The following MACROD2 variants were observed in gnomAD, a reference collection of about 807,000 sequenced individuals.
MACROD2 encodes ADP-ribose glycohydrolase MACROD2.
MACROD2 carries 36 observed loss-of-function variants against 70.4 expected under a neutral mutation model. The observed-to-expected ratio is 0.51, with a 90% confidence interval of 0.39 to 0.68. The LOEUF is 0.68. Ranked by LOEUF, MACROD2 falls within the 30% of genes least tolerant of loss-of-function variation. The probability of loss-of-function intolerance (pLI) is 0.00; values close to 1 mark genes in which losing one functional copy is unlikely to be tolerated. For missense variants in MACROD2, 496 were observed against 538.4 expected (o/e 0.92, Z 0.78); for synonymous variants, 172 against 178.8 (o/e 0.96, Z 0.30).
intron 13 of MACROD2, among the ~76,000 whole-genome samples, chr20:15,979,318 AC>A (rs1159913035): frequency 4.6e-5 from 7 of 152,104 alleles, no homozygotes; most frequent in Non-Finnish European, 8.8e-5. Context: ...GCTGCAGGCA[AC>A]ATACAATGGA....
At chr20:14,976,711 C>T (rs2074742762) in intron 5 of MACROD2, among the ~76,000 whole-genome samples, 1 of 152,160 alleles carries the variant, frequency 6.6e-6, no homozygotes, top group Non-Finnish European at 1.5e-5. Flanking sequence ...GACATGACCT[C>T]TGTTGCTTAG....
intron 8 of MACROD2, among the ~76,000 whole-genome samples, chr20:15,713,987 G>GCACGCACACACACA (rs2050667462): frequency 3.4e-5 from 4 of 117,698 alleles, no homozygotes; most frequent in African/African-American, 1.1e-4. Flanking sequence ...ACACACATAT[G>GCACGCACACACACA]CACACACACA....
chr20:14,759,901 A>C (rs2071991760), intron 5 of MACROD2, among the ~76,000 whole-genome samples: 1 of 152,202 alleles, frequency 6.6e-6, no homozygotes. Context: ...AGGAGGATTA[A>C]GTTCCCTTTC....
At chr20:14,469,731 G>A (rs1341808757) in intron 3 of MACROD2, among the ~76,000 whole-genome samples, 1 of 151,576 alleles carries the variant, frequency 6.6e-6, no homozygotes, top group South Asian at 2.1e-4. Context: ...CTATTGATAA[G>A]GTATCATGCT....
chr20:14,503,726 A>G (rs1158763102), intron 4 of MACROD2, among the ~76,000 whole-genome samples: 3 of 152,226 alleles, frequency 2.0e-5, no homozygotes, highest in Non-Finnish European at 4.4e-5. Flanking sequence ...CTAAAAATCC[A>G]CTAACTCTGC....
rs79877632 is a variant in MACROD2 at position 15,270,717 on chromosome 20, C to T, written c.540+40656C>T. On this transcript the variant is annotated intron_variant, in intron 6 of 17. Transcript: ENST00000684519. ...CATCAGTTCTGTCTTTGGTGCCTCT[C>T]GTGCTTGATCTTTATGTACTAGAAA... Among the ~76,000 whole-genome samples, 385 of 152,284 alleles carry T rather than the reference C, an allele frequency of 2.5e-3. 1 individual carries two copies. The highest frequency in any genetic ancestry group is 8.8e-3 in the African/African-American group (366 of 41,554).
intron 3 of MACROD2, among the ~76,000 whole-genome samples, chr20:14,420,090 G>T (rs1351216228): frequency 2.0e-5 from 3 of 151,276 alleles, no homozygotes; most frequent in African/African-American, 7.3e-5. Context: ...AATACCAAAA[G>T]GTCCTCTAGA....
chr20:15,718,264 C>G (rs1036144476), intron 8 of MACROD2, among the ~76,000 whole-genome samples: 6 of 152,108 alleles, frequency 3.9e-5, no homozygotes, highest in Non-Finnish European at 8.8e-5. Flanking sequence ...GCTGGGATTA[C>G]AGGCATGAAC....
At chr20:15,247,846 C>T (rs190138285) in intron 6 of MACROD2, among the ~76,000 whole-genome samples, 1 of 151,974 alleles carries the variant, frequency 6.6e-6, no homozygotes, top group African/African-American at 2.4e-5. Context: ...TACAGACAAG[C>T]ACCAGTAGGC....
At chr20:14,891,126 A>G (rs1307527313) in intron 5 of MACROD2, among the ~76,000 whole-genome samples, 4 of 150,074 alleles carry the variant, frequency 2.7e-5, no homozygotes, top group South Asian at 2.1e-4. Context: ...CCATACTTGG[A>G]TATTGTTGAC....
At chr20:15,083,342 T>G (rs2075719550) in intron 5 of MACROD2, among the ~76,000 whole-genome samples, 1 of 152,186 alleles carries the variant, frequency 6.6e-6, no homozygotes, top group Non-Finnish European at 1.5e-5. Context: ...CCCTATTTTC[T>G]TCTTTCACTA....
At chr20:15,542,150 G>T (rs2047966177) in intron 8 of MACROD2, among the ~76,000 whole-genome samples, 1 of 152,222 alleles carries the variant, frequency 6.6e-6, no homozygotes. Context: ...TATGGAGACA[G>T]TCAAAAGCTA....
At chr20:15,467,715 G>T (rs965287856) in intron 7 of MACROD2, among the ~76,000 whole-genome samples, 9 of 88,592 alleles carry the variant, frequency 1.0e-4, no homozygotes, top group Admixed American at 5.6e-4. Context: ...GATTCAAATT[G>T]GTGTAGGCAT....
At chr20:14,119,846 C>T (rs2054562160) in intron 3 of MACROD2, among the ~76,000 whole-genome samples, 1 of 151,978 alleles carries the variant, frequency 6.6e-6, no homozygotes, top group Non-Finnish European at 1.5e-5. Context: ...TCACAAGGAA[C>T]TTAAATTTAT....
intron 3 of MACROD2, among the ~76,000 whole-genome samples, chr20:14,485,729 T>C (rs1478011731): frequency 1.4e-5 from 2 of 143,166 alleles, no homozygotes; most frequent in Middle Eastern, 3.7e-3. Flanking sequence ...AAAAAGACCA[T>C]GGAGAAAAGT....
intron 15 of MACROD2, among the ~76,000 whole-genome samples, chr20:16,029,893 A>G (rs1225656979): frequency 6.6e-6 from 1 of 152,204 alleles, no homozygotes; most frequent in Admixed American, 6.5e-5. Flanking sequence ...CACAAAATAG[A>G]AAATTTAAGA....
At chr20:14,628,539 G>A (rs559140433) in intron 4 of MACROD2, 1 of 152,344 alleles carries the variant, frequency 6.6e-6, no homozygotes, top group South Asian at 2.1e-4. Flanking sequence ...AATATGTGGT[G>A]AGGGTGAAGG....
At chr20:14,437,923 C>T (rs1179425536) in intron 3 of MACROD2, among the ~76,000 whole-genome samples, 1 of 152,112 alleles carries the variant, frequency 6.6e-6, no homozygotes, top group African/African-American at 2.4e-5. Flanking sequence ...CATTATCTCA[C>T]ATAGTTACCC....
Position 14,789,402 on chromosome 20 carries a change from C to T in MACROD2, c.418+104443C>T, listed in dbSNP as rs548443848. On this transcript the variant is annotated intron_variant, in intron 5 of 17. Coordinates refer to ENST00000684519, the MANE Select transcript of MACROD2 (RefSeq NM_001351661.2). Reference sequence around the variant, plus strand: ...GGGCAGCCATCCAAGAGGCCAAAAACGTAACGCCTGGAAAAAATAAATTCC... The same window carrying T: ...GGGCAGCCATCCAAGAGGCCAAAAATGTAACGCCTGGAAAAAATAAATTCC... Among the ~76,000 whole-genome samples, 6 of 144,950 alleles carry T rather than the reference C, an allele frequency of 4.1e-5. No individual in the cohort carries two copies. The South Asian group carries it at 6.5e-4, about 16-fold the overall frequency.
Sources: gnomAD v4.1 joint callset for allele counts (sites outside exome capture counted in the v4.1 genomes callset) on GRCh38, gnomAD v4.1.1 for gene constraint, MANE v1.5 for transcripts, NCBI Gene and HGNC (gene_info 2026-07-23, HGNC 2026-07-21) for gene names.